R3HCC1L: variants seen among roughly 807,000 people sequenced by gnomAD.
R3HCC1L encodes the protein R3H domain and coiled-coil containing 1 like, also known as coiled-coil domain-containing protein R3HCC1L.
R3HCC1L carries 51 observed loss-of-function variants against 59.9 expected under a neutral mutation model. The observed-to-expected ratio is 0.85, with a 90% CI of 0.68 to 1.07. The LOEUF (loss-of-function observed/expected upper bound fraction) is 1.07, where lower values mean the gene tolerates loss of function less well. Among genes scored for constraint, R3HCC1L ranks in the 50% least tolerant of loss-of-function variants. The probability of loss-of-function intolerance (pLI) is 0.00; values close to 1 mark genes in which losing one functional copy is unlikely to be tolerated. For synonymous variants in R3HCC1L, 322 were observed against 315.2 expected (o/e 1.02, Z -0.23); for missense variants, 965 against 933.0 (o/e 1.03, Z -0.45).
At position 98,244,082 on chromosome 10, in the gene R3HCC1L, T is replaced by A. The variant is rs768935928; in HGVS notation, c.2270-9T>A. 1 of 1,613,452 alleles carries A rather than the reference T, an allele frequency of 6.2e-7. No individual in the cohort carries two copies. The highest frequency in any genetic ancestry group is 8.5e-7 in the Non-Finnish European group (1 of 1,179,578). On this transcript the variant is annotated splice_polypyrimidine_tract_variant and intron_variant, in intron 9 of 9. Transcript: ENST00000298999. ...AGACAACTGTGGTTAATACTGCTCT[T>A]ATTTACAGAGAGAAAGCGGTTGGAA...
At chr10:98,212,200 A>T in intron 5 of R3HCC1L, among the ~76,000 whole-genome samples, 1 of 152,226 alleles carries the variant, frequency 6.6e-6, no homozygotes, top group East Asian at 1.9e-4. Context: ...TCACAAATCC[A>T]GCAACATTAA....
chr10:98,226,823 ATCT>A (rs1436748010), intron 5 of R3HCC1L, among the ~76,000 whole-genome samples: 4 of 152,238 alleles, frequency 2.6e-5, no homozygotes, highest in African/African-American at 7.2e-5. Context: ...TTTAACTGAT[ATCT>A]TCTTGCCCAC....
At chr10:98,182,381 A>G (rs941673467) in intron 4 of R3HCC1L, among the ~76,000 whole-genome samples, 1 of 152,128 alleles carries the variant, frequency 6.6e-6, no homozygotes, top group African/African-American at 2.4e-5. Context: ...AACAGCAAAT[A>G]TTCCTGCCTG....
At chr10:98,174,911 G>A (rs527694402) in intron 4 of R3HCC1L, 26 of 442,512 alleles carry the variant, frequency 5.9e-5, no homozygotes, top group African/African-American at 4.9e-4. Flanking sequence ...TGGCATTCTC[G>A]GAGCCCTCTT....
chr10:98,239,968 T>C (rs1857355923), intron 9 of R3HCC1L, among the ~76,000 whole-genome samples: 1 of 152,184 alleles, frequency 6.6e-6, no homozygotes, highest in Non-Finnish European at 1.5e-5. Context: ...GTGCTGGAGT[T>C]ACAGACCTGA....
chr10:98,144,971 G>T (rs565117130), intron 1 of R3HCC1L, among the ~76,000 whole-genome samples: 2 of 152,322 alleles, frequency 1.3e-5, no homozygotes, highest in Non-Finnish European at 2.9e-5. Flanking sequence ...ACAAACAAGT[G>T]ATCTTAACAG....
At chr10:98,135,468 C>G (rs1844467555) in intron 1 of R3HCC1L, among the ~76,000 whole-genome samples, 1 of 152,188 alleles carries the variant, frequency 6.6e-6, no homozygotes, top group South Asian at 2.1e-4. Flanking sequence ...GATATTCCTG[C>G]GAAAGCTTTG....
At chr10:98,143,419 G>A (rs539277813) in intron 1 of R3HCC1L, among the ~76,000 whole-genome samples, 2 of 152,276 alleles carry the variant, frequency 1.3e-5, no homozygotes, top group Non-Finnish European at 2.9e-5. Context: ...ATTAAGTACT[G>A]GAGTTGACAA....
chr10:98,235,414 C>T lies in R3HCC1L; in HGVS notation c.2033-11C>T. ...TTCATGTCTTCTGCTTCCTTTTATTCCTCTTTGCAGCTCGTGATGCGTTGG... is the reference window on the plus strand; with the variant it reads ...TTCATGTCTTCTGCTTCCTTTTATTTCTCTTTGCAGCTCGTGATGCGTTGG... On this transcript the variant is annotated splice_polypyrimidine_tract_variant and intron_variant, in intron 7 of 9. Coordinates refer to ENST00000298999, the MANE Select transcript of R3HCC1L (RefSeq NM_001351015.2). 2 of 1,609,516 alleles carry T rather than the reference C, an allele frequency of 1.2e-6. No individual in the cohort carries two copies. The highest frequency in any genetic ancestry group is 1.1e-5 in the South Asian group (1 of 90,856).
chr10:98,149,871 G>GT (rs1270080028), intron 1 of R3HCC1L, among the ~76,000 whole-genome samples: 4 of 152,132 alleles, frequency 2.6e-5, no homozygotes, highest in Non-Finnish European at 5.9e-5. Context: ...CTTTGTTGAT[G>GT]TTTTTTTGTC....
chr10:98,219,261 A>G (rs1854590037), intron 5 of R3HCC1L, among the ~76,000 whole-genome samples: 1 of 151,296 alleles, frequency 6.6e-6, no homozygotes, highest in African/African-American at 2.4e-5. Flanking sequence ...TTACATAACT[A>G]CCCCCGCTTT....
chr10:98,179,610 A>G (rs942594464), intron 4 of R3HCC1L, among the ~76,000 whole-genome samples: 5 of 151,966 alleles, frequency 3.3e-5, no homozygotes, highest in Admixed American at 6.6e-5. Flanking sequence ...CTCTTTTTCT[A>G]TTGATTGGAA....
At chr10:98,181,711 A>G (rs1849643285) in intron 4 of R3HCC1L, among the ~76,000 whole-genome samples, 1 of 151,882 alleles carries the variant, frequency 6.6e-6, no homozygotes. Context: ...GCCTTTGTTC[A>G]TTTCTTTTTA....
At chr10:98,216,838 C>G (rs1019252046) in intron 5 of R3HCC1L, among the ~76,000 whole-genome samples, 5 of 152,212 alleles carry the variant, frequency 3.3e-5, no homozygotes, top group Admixed American at 2.6e-4. Flanking sequence ...CCTCAGCCCC[C>G]CAAAGTGTTG....
chr10:98,224,082 G>T (rs1211317153), intron 5 of R3HCC1L, among the ~76,000 whole-genome samples: 1 of 152,026 alleles, frequency 6.6e-6, no homozygotes, highest in African/African-American at 2.4e-5. Context: ...CTAATCCCTA[G>T]CCCTCAGACA....
chr10:98,208,111 T>C lies in R3HCC1L; in HGVS notation c.-4T>C. 2 of 1,600,850 alleles carry C rather than the reference T, an allele frequency of 1.2e-6. No individual in the cohort carries two copies. The highest frequency in any genetic ancestry group is 8.5e-7 in the Non-Finnish European group (1 of 1,174,442). On this transcript the variant is annotated 5_prime_UTR_variant, in exon 5 of 10. Transcript: ENST00000298999. ...ATTCTTCTCTTGCAGATTGTGGTGG[T>C]GCCATGCAGCAAGAATCAGAGAGAT...
chr10:98,231,764 CT>C, intron 6 of R3HCC1L, 77 bp downstream of exon 6: 1 of 1,379,874 alleles, frequency 7.2e-7, no homozygotes, highest in Admixed American at 2.5e-5. Context: ...GAAATCATCT[CT>C]TGTTTTTTAT....
chr10:98,167,284 C>T (rs1848046077), intron 4 of R3HCC1L, among the ~76,000 whole-genome samples: 1 of 152,132 alleles, frequency 6.6e-6, no homozygotes, highest in Admixed American at 6.5e-5. Flanking sequence ...AATGAATAAA[C>T]TTTGAAACTG....
At chr10:98,231,839 T>C in intron 6 of R3HCC1L, 152 bp downstream of exon 6, 1 of 851,092 alleles carries the variant, frequency 1.2e-6, no homozygotes, top group Admixed American at 3.3e-5. Context: ...AGTAGAAATT[T>C]TCTATATTAA....
Sources: allele counts gnomAD v4.1 joint callset (sites outside exome capture counted in the v4.1 genomes callset), GRCh38; gene constraint gnomAD v4.1.1; transcripts MANE v1.5; gene names NCBI Gene and HGNC (gene_info 2026-07-23, HGNC 2026-07-21).